TSHZ2: variants seen among roughly 807,000 people sequenced by gnomAD.
TSHZ2 encodes the protein teashirt zinc finger homeobox 2, also known as teashirt homolog 2.
Under a neutral mutation model 74.4 loss-of-function variants are expected in TSHZ2, and 21 were observed. That is an observed-to-expected ratio of 0.28 (90% CI 0.20 to 0.41). The LOEUF (loss-of-function observed/expected upper bound fraction) is 0.41, where lower values mean the gene tolerates loss of function less well. TSHZ2 is among the 10% of genes least tolerant of loss of function. TSHZ2 has a pLI of 1.00. For synonymous variants in TSHZ2, 540 were observed against 515.3 expected (o/e 1.05, Z -0.65); for missense variants, 1,244 against 1,293.5 (o/e 0.96, Z 0.59).
At chr20:53,363,092 C>G (rs370315885) in intron 2 of TSHZ2, among the ~76,000 whole-genome samples, 1 of 152,168 alleles carries the variant, frequency 6.6e-6, no homozygotes, top group African/African-American at 2.4e-5. Context: ...CCTGTCACCC[C>G]GTAGGAGGGG....
rs769783000 is a variant in TSHZ2, at chr20:53,241,162, G to A, written c.41-12337G>A. On this transcript the variant is annotated intron_variant, in intron 1 of 2. Coordinates refer to ENST00000371497, the MANE Select transcript of TSHZ2 (RefSeq NM_173485.6). ...TCTTAAACTAGCCCTAACCTAAGTC[G>A]AAGGGTCAAAAAACCCTGGAGAGTT... 3.9e-5 allele frequency among the ~76,000 whole-genome samples: 6 copies of A among 152,208 alleles called. No homozygotes were observed. The East Asian group carries it at 5.8e-4, about 15-fold the overall frequency.
At chr20:52,988,587 T>A (rs988881887) in intron 1 of TSHZ2, among the ~76,000 whole-genome samples, 5 of 150,690 alleles carry the variant, frequency 3.3e-5, no homozygotes, top group Non-Finnish European at 7.4e-5. Flanking sequence ...TCAATTGTGT[T>A]GTAGAAAAAA....
intron 2 of TSHZ2, among the ~76,000 whole-genome samples, chr20:53,391,786 T>G (rs1982268721): frequency 6.6e-6 from 1 of 152,070 alleles, no homozygotes. Flanking sequence ...CTACTAAAAA[T>G]ACAAAAATTA....
intron 1 of TSHZ2, among the ~76,000 whole-genome samples, chr20:53,251,885 A>C (rs1457543028): frequency 6.6e-6 from 1 of 152,214 alleles, no homozygotes; most frequent in African/African-American, 2.4e-5. Context: ...TTAGGTTGGC[A>C]ATACAAAGAT....
chr20:53,214,794 G>C (rs1205597069), intron 1 of TSHZ2, among the ~76,000 whole-genome samples: 2 of 152,170 alleles, frequency 1.3e-5, no homozygotes, highest in African/African-American at 4.8e-5. Flanking sequence ...AGAGTGTCCA[G>C]TGCCTGCCTG....
chr20:53,472,089 G>A (rs978118380), intron 2 of TSHZ2, among the ~76,000 whole-genome samples: 3 of 152,274 alleles, frequency 2.0e-5, no homozygotes, highest in Admixed American at 2.0e-4. Flanking sequence ...ACAGGTGTGA[G>A]CCCGCGCCCG....
chr20:53,473,402 C>T (rs1022160723), intron 2 of TSHZ2, among the ~76,000 whole-genome samples: 1 of 141,660 alleles, frequency 7.1e-6, no homozygotes, highest in South Asian at 2.3e-4. Context: ...GGCACACTGA[C>T]ACCTCACACG....
intron 1 of TSHZ2, among the ~76,000 whole-genome samples, chr20:53,155,879 A>T (rs1026820018): frequency 1.3e-5 from 2 of 152,156 alleles, no homozygotes; most frequent in Admixed American, 1.3e-4. Context: ...TGGGTCACAA[A>T]CTTGTAGCCT....
chr20:53,031,522 A>C (rs537518166), intron 1 of TSHZ2, among the ~76,000 whole-genome samples: 1 of 152,208 alleles, frequency 6.6e-6, no homozygotes, highest in Non-Finnish European at 1.5e-5. Context: ...GGGTTTATAG[A>C]GAAAGGCCTG....
At chr20:53,201,840 C>T (rs1989015883) in intron 1 of TSHZ2, among the ~76,000 whole-genome samples, 1 of 152,166 alleles carries the variant, frequency 6.6e-6, no homozygotes, top group South Asian at 2.1e-4. Flanking sequence ...TAGCACCTCT[C>T]CCCCATGCAA....
intron 1 of TSHZ2, among the ~76,000 whole-genome samples, chr20:53,014,227 A>G (rs1982954905): frequency 6.6e-6 from 1 of 151,462 alleles, no homozygotes; most frequent in Non-Finnish European, 1.5e-5. Flanking sequence ...GAGAGAAGAG[A>G]GCGAGTGCAC....
intron 1 of TSHZ2, among the ~76,000 whole-genome samples, chr20:53,035,898 G>A (rs982301570): frequency 6.6e-6 from 1 of 152,128 alleles, no homozygotes. Flanking sequence ...CCTGACTGAA[G>A]ACCTATTCAT....
intron 1 of TSHZ2, among the ~76,000 whole-genome samples, chr20:53,106,229 C>G (rs948604846): frequency 1.3e-5 from 2 of 151,992 alleles, no homozygotes; most frequent in Non-Finnish European, 2.9e-5. Context: ...TGACTGAGGT[C>G]TCCCTGATCC....
At chr20:53,295,966 G>A (rs1377501921) in intron 2 of TSHZ2, among the ~76,000 whole-genome samples, 1 of 146,072 alleles carries the variant, frequency 6.8e-6, no homozygotes, top group Non-Finnish European at 1.5e-5. Context: ...TATATCTAAT[G>A]TTCTGCACCT....
chr20:53,338,594 G>C (rs771270706), intron 2 of TSHZ2, among the ~76,000 whole-genome samples: 9 of 152,188 alleles, frequency 5.9e-5, no homozygotes, highest in African/African-American at 2.4e-5. Flanking sequence ...TGGAGGGCTG[G>C]GGTGGTACTG....
intron 2 of TSHZ2, among the ~76,000 whole-genome samples, chr20:53,333,848 G>A (rs1475896463): frequency 6.6e-6 from 1 of 152,196 alleles, no homozygotes; most frequent in African/African-American, 2.4e-5. Flanking sequence ...TGGGCAGGAA[G>A]GTGACTCTTG....
chr20:53,089,931 A>G (rs533260237), intron 1 of TSHZ2, among the ~76,000 whole-genome samples: 83 of 152,364 alleles, frequency 5.4e-4, no homozygotes, highest in Non-Finnish European at 9.7e-4. Context: ...TTGACTCACA[A>G]TTGCAAGGTG....
chr20:53,090,717 G>A (rs1313970765), intron 1 of TSHZ2, among the ~76,000 whole-genome samples: 1 of 152,128 alleles, frequency 6.6e-6, no homozygotes, highest in African/African-American at 2.4e-5. Context: ...ATAACTCACA[G>A]CAATTATTTT....
At chr20:53,301,909 T>G (rs1356143721) in intron 2 of TSHZ2, among the ~76,000 whole-genome samples, 1 of 152,174 alleles carries the variant, frequency 6.6e-6, no homozygotes, top group African/African-American at 2.4e-5. Flanking sequence ...CACTCGGAGA[T>G]GAGAATATCA....
Sources: gnomAD v4.1 joint callset for allele counts (sites outside exome capture counted in the v4.1 genomes callset) on GRCh38, gnomAD v4.1.1 for gene constraint, MANE v1.5 for transcripts, NCBI Gene and HGNC (gene_info 2026-07-23, HGNC 2026-07-21) for gene names.